Variants in GAREM1 observed in about 807,000 individuals in gnomAD.
GAREM1 encodes GRB2 associated regulator of MAPK1 subtype 1, also known as GRB2-associated and regulator of MAPK protein 1.
GAREM1 carries 26 observed loss-of-function variants against 71.3 expected under a neutral mutation model. That is an observed-to-expected ratio of 0.36 (90% confidence interval 0.27 to 0.51). GAREM1 has a LOEUF of 0.51. GAREM1 is among the 20% of genes least tolerant of loss of function. The probability of loss-of-function intolerance (pLI) is 0.95; values close to 1 mark genes in which losing one functional copy is unlikely to be tolerated. For synonymous variants in GAREM1, 440 were observed against 433.2 expected, an observed-to-expected ratio of 1.02 and a Z score of -0.20; for missense variants, 1,026 against 1,103.1, an observed-to-expected ratio of 0.93 and a Z score of 0.99.
intron 3 of GAREM1, among the ~76,000 whole-genome samples, chr18:32,309,785 TTCTA>T (rs557984828): frequency 2.3e-3 from 343 of 152,272 alleles, no homozygotes; most frequent in Non-Finnish European, 4.2e-3. Context: ...TAGAAACCTA[TTCTA>T]TCTTTGTATT....
intron 4 of GAREM1, among the ~76,000 whole-genome samples, chr18:32,282,695 C>G (rs1156650697): frequency 6.6e-6 from 1 of 152,180 alleles, no homozygotes; most frequent in Admixed American, 6.5e-5. Context: ...CAGGTGTGAG[C>G]CACGGTGCCA....
chr18:32,455,502 C>G (rs907224204), intron 1 of GAREM1, among the ~76,000 whole-genome samples: 4 of 152,242 alleles, frequency 2.6e-5, no homozygotes, highest in Non-Finnish European at 5.9e-5. Context: ...GAAACACACA[C>G]GCACATACAC....
intron 2 of GAREM1, among the ~76,000 whole-genome samples, chr18:32,391,540 G>A (rs536059671): frequency 3.3e-5 from 5 of 152,264 alleles, no homozygotes; most frequent in African/African-American, 1.2e-4. Context: ...AAGCAATGTA[G>A]CAATTTACCT....
chr18:32,464,279 A>AG (rs2048978935), intron 1 of GAREM1, among the ~76,000 whole-genome samples: 1 of 152,102 alleles, frequency 6.6e-6, no homozygotes, highest in South Asian at 2.1e-4. Context: ...CGACACAAAA[A>AG]GAAAAAAAAA....
chr18:32,270,938 G>A (rs1391910633), intron 4 of GAREM1, among the ~76,000 whole-genome samples: 1 of 114,320 alleles, frequency 8.7e-6, no homozygotes, highest in East Asian at 2.7e-4. Context: ...GTCTCACTCT[G>A]TCGCGCAGGT....
At chr18:32,368,626 A>T (rs1322250156) in intron 2 of GAREM1, among the ~76,000 whole-genome samples, 1 of 152,220 alleles carries the variant, frequency 6.6e-6, no homozygotes, top group Non-Finnish European at 1.5e-5. Context: ...AAGTGTCCAC[A>T]GACCCTACTG....
rs144990890 is a variant in GAREM1, at chr18:32,417,417, G to A, written c.122-24382C>T. On this transcript the variant is annotated intron_variant, in intron 1 of 5. Coordinates refer to ENST00000269209, the MANE Select transcript of GAREM1 (RefSeq NM_001242409.2). ...CAGTATAACAAGGAGGTATTTACAC[G>A]CCCATGTTTCCTGCAGCTCTGTTCA... Among the ~76,000 whole-genome samples, 186 of 152,272 alleles carry A rather than the reference G, an allele frequency of 1.2e-3. 1 individual carries two copies. The highest frequency in any genetic ancestry group is 4.1e-3 in the African/African-American group (170 of 41,562).
chr18:32,445,833 G>A (rs2144282713), intron 1 of GAREM1, among the ~76,000 whole-genome samples: 1 of 152,116 alleles, frequency 6.6e-6, no homozygotes, highest in Admixed American at 6.5e-5. Context: ...AAGCCATTTG[G>A]TATTAAACTA....
intron 2 of GAREM1, among the ~76,000 whole-genome samples, chr18:32,384,490 C>T (rs2048126403): frequency 6.6e-6 from 1 of 152,176 alleles, no homozygotes; most frequent in African/African-American, 2.4e-5. Flanking sequence ...AATTCCCAAA[C>T]ACATGGAAAA....
intron 4 of GAREM1, among the ~76,000 whole-genome samples, chr18:32,282,408 G>C (rs1024977537): frequency 3.0e-4 from 45 of 152,154 alleles, no homozygotes; most frequent in African/African-American, 1.1e-3. Context: ...CCTGGTGACA[G>C]AGTTAGACTC....
At chr18:32,269,079 C>A (rs924283511) in intron 5 of GAREM1, among the ~76,000 whole-genome samples, 8 of 152,208 alleles carry the variant, frequency 5.3e-5, no homozygotes, top group African/African-American at 1.9e-4. Flanking sequence ...CACGTGTAGG[C>A]TCTGCACCAA....
chr18:32,463,064 G>A (rs937622178), intron 1 of GAREM1, among the ~76,000 whole-genome samples: 31 of 148,858 alleles, frequency 2.1e-4, no homozygotes, highest in African/African-American at 7.8e-4. Context: ...AGGTGGAAGA[G>A]AGGATTTTAT....
chr18:32,450,136 A>G (rs2048821491), intron 1 of GAREM1, among the ~76,000 whole-genome samples: 1 of 152,182 alleles, frequency 6.6e-6, no homozygotes, highest in African/African-American at 2.4e-5. Flanking sequence ...CCAGTCAGAA[A>G]ATTTTTAAAG....
chr18:32,337,940 C>T (rs1278897951), intron 2 of GAREM1, among the ~76,000 whole-genome samples: 1 of 152,150 alleles, frequency 6.6e-6, no homozygotes, highest in East Asian at 1.9e-4. Context: ...CATTCGCTAA[C>T]TAACCAAACA....
chr18:32,287,034 T>C lies in GAREM1; in HGVS notation c.1563A>G (p.Glu521=). 6.2e-7 allele frequency: 1 copy of C among 1,609,584 alleles called. No individual in the cohort carries two copies. Among genetic ancestry groups the C allele is most frequent in the Non-Finnish European group, 8.5e-7 (1 of 1,176,430 alleles). The change falls in exon 4 of 6, where the codon GAA becomes GAG. Residue 521 remains glutamate, a synonymous_variant. Transcript: ENST00000269209. This position sits in a 1 kb window ranked among gnomAD's most constrained non-coding sequence, Gnocchi z 5.9. ...TTCAAAAACAGAAATGACTTACGGC[T>C]TCAGATTTGGGAGGCACTGGAGGTG... ...LPPPPVPPKS[E]AVREECRLLN...
intron 2 of GAREM1, among the ~76,000 whole-genome samples, chr18:32,319,925 C>T (rs1027319242): frequency 2.6e-5 from 4 of 152,206 alleles, no homozygotes; most frequent in Non-Finnish European, 5.9e-5. Flanking sequence ...TAGACACCCA[C>T]ATTTATTCCA....
intron 2 of GAREM1, among the ~76,000 whole-genome samples, chr18:32,381,700 C>T (rs1279346131): frequency 6.6e-6 from 1 of 152,218 alleles, no homozygotes; most frequent in East Asian, 1.9e-4. Flanking sequence ...CACTTGCCTT[C>T]ACTTAATCTT....
At chr18:32,338,040 T>G (rs1158133805) in intron 2 of GAREM1, among the ~76,000 whole-genome samples, 1 of 151,870 alleles carries the variant, frequency 6.6e-6, no homozygotes, top group Non-Finnish European at 1.5e-5. Context: ...AGCGAGGAGG[T>G]GACCTGAGTG....
chr18:32,426,240 C>G (rs1410822951), intron 1 of GAREM1, among the ~76,000 whole-genome samples: 2 of 151,886 alleles, frequency 1.3e-5, no homozygotes, highest in Non-Finnish European at 2.9e-5. Context: ...AGGATAGTCT[C>G]GGTCTCCTGA....
Sources: allele counts gnomAD v4.1 joint callset (sites outside exome capture counted in the v4.1 genomes callset), GRCh38; gene constraint gnomAD v4.1.1; non-coding constraint Gnocchi (gnomAD v3.1); transcripts MANE v1.5; gene names NCBI Gene and HGNC (gene_info 2026-07-23, HGNC 2026-07-21).